ERICH6: variants seen among roughly 807,000 people sequenced by gnomAD.
The protein encoded by ERICH6 is glutamate-rich protein 6.
A neutral mutation model predicts 71.0 loss-of-function variants in ERICH6; 71 were observed. That is an observed-to-expected ratio of 1.00 (90% CI 0.83 to 1.22). ERICH6 has a LOEUF of 1.22. Among genes scored for constraint, ERICH6 ranks in the 50% most tolerant of loss-of-function variants. ERICH6 has a pLI of 0.00. For synonymous variants in ERICH6, 262 were observed against 278.4 expected (o/e 0.94, Z 0.59); for missense variants, 808 against 797.2 (o/e 1.01, Z -0.16).
intron 10 of ERICH6, among the ~76,000 whole-genome samples, chr3:150,676,050 CT>C: frequency 6.6e-6 from 1 of 151,248 alleles, no homozygotes; most frequent in Non-Finnish European, 1.5e-5. Flanking sequence ...TTTTTCTCTT[CT>C]TCTGGGATTT....
chr3:150,668,754 GAAGTCAC>G (rs2108042999), intron 12 of ERICH6, among the ~76,000 whole-genome samples: 1 of 152,300 alleles, frequency 6.6e-6, no homozygotes, highest in South Asian at 2.1e-4. Flanking sequence ...CAGGCTAAAT[GAAGTCAC>G]AGAGTATATA....
chr3:150,689,746 C>A (rs1465417844), intron 3 of ERICH6, among the ~76,000 whole-genome samples: 1 of 152,028 alleles, frequency 6.6e-6, no homozygotes, highest in Non-Finnish European at 1.5e-5. Flanking sequence ...TTCTCTTGTA[C>A]CCTCTGCTGC....
intron 6 of ERICH6, among the ~76,000 whole-genome samples, chr3:150,685,145 C>T (rs1712128597): frequency 6.6e-6 from 1 of 152,146 alleles, no homozygotes; most frequent in Non-Finnish European, 1.5e-5. Context: ...TGTTTCCAGG[C>T]TTTGCGGCCA....
chr3:150,690,065 G>A (rs1712362998), intron 3 of ERICH6, among the ~76,000 whole-genome samples: 1 of 152,084 alleles, frequency 6.6e-6, no homozygotes, highest in African/African-American at 2.4e-5. Context: ...ATGTGGTCTA[G>A]CCTCATAATA....
At chr3:150,688,542 A>G (rs2108068251) in intron 3 of ERICH6, among the ~76,000 whole-genome samples, 1 of 152,198 alleles carries the variant, frequency 6.6e-6, no homozygotes, top group East Asian at 1.9e-4. Flanking sequence ...AAAGGAAAAT[A>G]TATTGGGGCC....
chr3:150,703,857 C>T lies in ERICH6; in HGVS notation c.42G>A (p.Gly14=), dbSNP rs1464747506. 6.2e-7 allele frequency: 1 copy of T among 1,612,626 alleles called. No individual in the cohort carries two copies. The highest frequency in any genetic ancestry group is 2.2e-5 in the East Asian group (1 of 44,650). Residue 14 remains glycine (G), a synonymous_variant, in exon 1 of 14, where the codon GGG becomes GGA. Transcript: ENST00000295910. ...CCTCTGACTCCTTCTGGTCCTTCTT[C>T]CCCGGGTCTCCGAAGCCGCTAGGCG... ...LRSPSGFGDP[G]KKDQKESEEE... is the part of the protein sequence containing the mutation.
chr3:150,690,286 T>G (rs1201146986), intron 3 of ERICH6, among the ~76,000 whole-genome samples: 1 of 152,222 alleles, frequency 6.6e-6, no homozygotes, highest in Non-Finnish European at 1.5e-5. Context: ...ATGATATACA[T>G]TTTGCTATTT....
Position 150,680,525 on chromosome 3 carries a change from G to T in ERICH6, c.1054C>A (p.Arg352=). 6.2e-7 allele frequency: 1 copy of T among 1,614,122 alleles called. No individual in the cohort carries two copies. The highest frequency in any genetic ancestry group is 8.5e-7 in the Non-Finnish European group (1 of 1,180,006). Residue 352 remains arginine, a synonymous_variant, in exon 9 of 14, where the codon CGA becomes AGA. Transcript: ENST00000295910. ...EKALQRKQEQ[R]MARHFAIISR... ...ATTATTGCAAAATGTCTGGCCATTC[G>T]TTGCTCCTGTTTCCTACAAAATCAG...
intron 9 of ERICH6, among the ~76,000 whole-genome samples, chr3:150,679,232 A>G (rs1711798819): frequency 6.6e-6 from 1 of 150,898 alleles, no homozygotes; most frequent in Admixed American, 6.6e-5. Flanking sequence ...ATTTATTTTT[A>G]TTTTATTATT....
At chr3:150,669,722 G>T (rs1211207447) in intron 11 of ERICH6, among the ~76,000 whole-genome samples, 1 of 152,148 alleles carries the variant, frequency 6.6e-6, no homozygotes, top group Non-Finnish European at 1.5e-5. Context: ...ATGCAAGGTT[G>T]GTTTAACATC....
intron 7 of ERICH6, 97 bp from the exon 8 acceptor site, chr3:150,681,027 A>G (rs556209398): frequency 1.8e-5 from 23 of 1,260,638 alleles, no homozygotes; most frequent in Admixed American, 2.6e-5. Context: ...ACAATCCATC[A>G]TAAGTTTTTA....
intron 2 of ERICH6, among the ~76,000 whole-genome samples, chr3:150,701,618 T>C (rs1478509856): frequency 2.6e-5 from 4 of 152,200 alleles, no homozygotes; most frequent in African/African-American, 7.2e-5. Context: ...TTCAAGATCA[T>C]TGACTCAGGT....
chr3:150,687,228 G>A (rs184603202), intron 3 of ERICH6, among the ~76,000 whole-genome samples: 3 of 152,300 alleles, frequency 2.0e-5, no homozygotes, highest in Non-Finnish European at 2.9e-5. Flanking sequence ...TGAATCCAAC[G>A]ACAAAGAGAT....
At chr3:150,700,601 T>G (rs923655147) in intron 2 of ERICH6, among the ~76,000 whole-genome samples, 1 of 152,084 alleles carries the variant, frequency 6.6e-6, no homozygotes, top group African/African-American at 2.4e-5. Flanking sequence ...ATTTATTTTT[T>G]GAGATGAAGT....
At position 150,683,488 on chromosome 3, in the gene ERICH6, G is replaced by C. The variant is rs184523254; in HGVS notation, c.784-1172C>G. Among the ~76,000 whole-genome samples the C allele has an allele frequency of 2.1e-3, 325 of 152,264 alleles. 2 individuals carry two copies. The highest frequency in any genetic ancestry group is 7.4e-3 in the African/African-American group (306 of 41,546). On this transcript the variant is annotated intron_variant, in intron 6 of 13. Coordinates refer to ENST00000295910, the MANE Select transcript of ERICH6 (RefSeq NM_152394.5). ...CTTCAAAAGACCATGAGGGAGGCCG[G>C]GCATGGTGGCTCACACCTGTAATCC...
chr3:150,696,473 A>T (rs1712661651), intron 3 of ERICH6, among the ~76,000 whole-genome samples: 1 of 152,186 alleles, frequency 6.6e-6, no homozygotes, highest in African/African-American at 2.4e-5. Context: ...AACAAAAATG[A>T]CCACAAGCAA....
intron 6 of ERICH6, among the ~76,000 whole-genome samples, chr3:150,682,637 G>A (rs1466848291): frequency 6.6e-6 from 1 of 152,170 alleles, no homozygotes; most frequent in Non-Finnish European, 1.5e-5. Flanking sequence ...GTCCCTTGTT[G>A]GGGAGGGGAA....
At chr3:150,678,603 T>C (rs1306042663) in intron 9 of ERICH6, 49 bp from the exon 10 acceptor site, 3 of 1,439,524 alleles carry the variant, frequency 2.1e-6, no homozygotes, top group Admixed American at 2.8e-5. Context: ...TTAAATTTTC[T>C]AAAGCCTCTT....
chr3:150,663,021 CA>C (rs1727279529), intron 13 of ERICH6, among the ~76,000 whole-genome samples: 2 of 152,234 alleles, frequency 1.3e-5, no homozygotes, highest in African/African-American at 4.8e-5. Flanking sequence ...GAAAGAGGTC[CA>C]GATTGTGTAC....
Sources: allele counts gnomAD v4.1 joint callset (sites outside exome capture counted in the v4.1 genomes callset), GRCh38; gene constraint gnomAD v4.1.1; transcripts MANE v1.5; gene names NCBI Gene and HGNC (gene_info 2026-07-23, HGNC 2026-07-21).